The following EYA2 variants were observed in gnomAD, a reference collection of about 807,000 sequenced individuals.
EYA2 encodes EYA transcriptional coactivator and phosphatase 2, also known as protein phosphatase EYA2.
In EYA2, 31 loss-of-function variants were observed where a neutral mutation model predicts 69.2. The ratio of observed to expected loss-of-function variants is 0.45; its 90% CI spans 0.34 to 0.60. EYA2 has a LOEUF of 0.60. Ranked by LOEUF, EYA2 falls within the 20% of genes least tolerant of loss-of-function variation. The pLI, the probability that EYA2 is intolerant of heterozygous loss-of-function variation, is 0.02. For synonymous variants in EYA2, 257 were observed against 279.4 expected (o/e 0.92, Z 0.80); for missense variants, 622 against 701.2 (o/e 0.89, Z 1.28).
intron 8 of EYA2, among the ~76,000 whole-genome samples, chr20:47,092,415 C>G (rs141766798): frequency 6.6e-6 from 1 of 152,174 alleles, no homozygotes; most frequent in Admixed American, 6.5e-5. Flanking sequence ...GGGTTTAGGC[C>G]TTTGCAAAAG....
chr20:47,061,642 G>A lies in EYA2; in HGVS notation c.416-10543G>A, dbSNP rs60200689. Among the ~76,000 whole-genome samples the A allele has an allele frequency of 6.3e-3, 952 of 152,300 alleles. 10 individuals are homozygous for A. The highest frequency in any genetic ancestry group is 0.019 in the African/African-American group (784 of 41,558). The stretch of plus-strand genomic sequence containing the variant: ...GGCAGCCAGTCCACAAACAGCTGCT[G>A]GTCTACAGTAACAAATATGGAACTG... On this transcript the variant is annotated intron_variant, in intron 5 of 15. Coordinates refer to ENST00000327619, the MANE Select transcript of EYA2 (RefSeq NM_005244.5).
At chr20:46,953,255 A>G (rs964246250) in intron 1 of EYA2, among the ~76,000 whole-genome samples, 3 of 152,112 alleles carry the variant, frequency 2.0e-5, no homozygotes, top group Admixed American at 2.0e-4. Flanking sequence ...CCCACTTTAC[A>G]CATGGGGATG....
intron 8 of EYA2, among the ~76,000 whole-genome samples, chr20:47,092,664 A>G (rs1329814370): frequency 6.6e-6 from 1 of 152,218 alleles, no homozygotes; most frequent in South Asian, 2.1e-4. Context: ...GGGGAGGGTT[A>G]TGGCATAGAA....
chr20:46,908,528 C>G (rs1329598658), intron 1 of EYA2, among the ~76,000 whole-genome samples: 1 of 152,108 alleles, frequency 6.6e-6, no homozygotes, highest in Non-Finnish European at 1.5e-5. Context: ...TCAAAATTAT[C>G]GTAATTTAAA....
At chr20:46,950,380 T>C (rs1324104362) in intron 1 of EYA2, among the ~76,000 whole-genome samples, 1 of 152,154 alleles carries the variant, frequency 6.6e-6, no homozygotes, top group African/African-American at 2.4e-5. Flanking sequence ...TAAGAGTCTG[T>C]GACTTGATGA....
rs78381799 is a variant in EYA2 at position 46,930,298 on chromosome 20, T to A, written c.-11+35311T>A. On this transcript the variant is annotated intron_variant, in intron 1 of 15. Transcript: ENST00000327619. ...TTAAAAAATAAAAGACAGGTAATAA[T>A]TATAGCTGCCCTTTACTGGATTCTG... 5.4e-4 allele frequency among the ~76,000 whole-genome samples: 82 copies of A among 152,360 alleles called. No homozygotes were observed. The East Asian group carries it at 0.012, about 22-fold the overall frequency.
rs562972195 is a variant in EYA2 at position 47,163,449 on chromosome 20, C to A, written c.979-5690C>A. On this transcript the variant is annotated intron_variant, in intron 10 of 15. Coordinates refer to ENST00000327619, the MANE Select transcript of EYA2 (RefSeq NM_005244.5). The stretch of plus-strand genomic sequence containing the variant: ...GGACGTGGCTCACGCCTGTAATCCC[C>A]GCACTTTGGGAGTCCGAGGCAGGGG... Among the ~76,000 whole-genome samples the A allele has an allele frequency of 3.3e-5, 5 of 152,138 alleles. No homozygotes were observed. In the East Asian group the frequency reaches 9.7e-4, roughly 29 times the overall value.
chr20:47,102,693 G>C (rs2032457842), intron 9 of EYA2, among the ~76,000 whole-genome samples: 3 of 152,218 alleles, frequency 2.0e-5, no homozygotes. Flanking sequence ...GCTTGAGGCT[G>C]TCATCTCTTC....
At position 46,987,954 on chromosome 20, in the gene EYA2, CTCTCTCTCTCTA is replaced by C. The variant is rs1224390719; in HGVS notation, c.-10-2045_-10-2034del. On this transcript the variant is annotated intron_variant, in intron 1 of 15. Transcript: ENST00000327619. ...TCTCTCTCTCTCTCTCTCTCTCTCT[CTCTCTCTCTCTA>C]TATATATATATATATATATATATAT... Among the ~76,000 whole-genome samples, 32 of 43,566 alleles carry C rather than the reference CTCTCTCTCTCTA, an allele frequency of 7.3e-4. No homozygotes were observed. The East Asian group carries it at 7.5e-3, about 10-fold the overall frequency. The allele number at this position is 43,566 out of a possible 152,430, so 28.6% of individuals were successfully genotyped here. A position where few individuals can be genotyped will look rare whatever the true frequency, so the allele number is the denominator to read the frequency against.
At chr20:47,110,263 C>T (rs1197124705) in intron 9 of EYA2, among the ~76,000 whole-genome samples, 1 of 152,100 alleles carries the variant, frequency 6.6e-6, no homozygotes, top group Non-Finnish European at 1.5e-5. Flanking sequence ...TATTTTTCTG[C>T]GACAGGGTCT....
intron 1 of EYA2, among the ~76,000 whole-genome samples, chr20:46,938,067 C>T (rs1985996638): frequency 2.0e-5 from 3 of 152,332 alleles, no homozygotes; most frequent in Middle Eastern, 6.8e-3. Flanking sequence ...CCTAAGGACA[C>T]ACAGCTGGTA....
intron 1 of EYA2, among the ~76,000 whole-genome samples, chr20:46,922,805 G>A (rs191845966): frequency 4.6e-4 from 52 of 113,820 alleles, no homozygotes; most frequent in Non-Finnish European, 7.8e-4. Context: ...ATCTCTTCAC[G>A]ATGGCTTATA....
intron 5 of EYA2, among the ~76,000 whole-genome samples, chr20:47,052,463 A>T (rs1210854955): frequency 6.6e-6 from 1 of 152,138 alleles, no homozygotes; most frequent in Non-Finnish European, 1.5e-5. Flanking sequence ...CTGTGAACGG[A>T]TTGCTCAGCT....
chr20:47,022,864 T>C (rs921748430), intron 5 of EYA2, among the ~76,000 whole-genome samples: 1 of 151,928 alleles, frequency 6.6e-6, no homozygotes, highest in Non-Finnish European at 1.5e-5. Flanking sequence ...TTGTGTTGCA[T>C]AGGCTGGTAA....
At chr20:47,166,286 A>C (rs1457685845) in intron 10 of EYA2, among the ~76,000 whole-genome samples, 2 of 150,666 alleles carry the variant, frequency 1.3e-5, no homozygotes, top group African/African-American at 4.9e-5. Flanking sequence ...TGTAGTCCCA[A>C]CTACTCGAGA....
At chr20:46,916,507 G>A (rs974223664) in intron 1 of EYA2, among the ~76,000 whole-genome samples, 17 of 152,104 alleles carry the variant, frequency 1.1e-4, no homozygotes, top group African/African-American at 3.4e-4. Context: ...GTGCATGTGT[G>A]ATGGGTTCTT....
intron 5 of EYA2, among the ~76,000 whole-genome samples, chr20:47,058,781 G>A (rs1234310311): frequency 6.6e-6 from 1 of 152,134 alleles, no homozygotes; most frequent in Non-Finnish European, 1.5e-5. Context: ...TCAGAGCTGT[G>A]GTGAGCTATG....
intron 9 of EYA2, among the ~76,000 whole-genome samples, chr20:47,110,545 A>G (rs547710771): frequency 7.2e-5 from 11 of 152,176 alleles, no homozygotes; most frequent in Non-Finnish European, 1.3e-4. Flanking sequence ...TAACCACGTA[A>G]CATGTCCCTA....
intron 1 of EYA2, among the ~76,000 whole-genome samples, chr20:46,936,786 G>A (rs1202565404): frequency 1.3e-5 from 2 of 152,112 alleles, no homozygotes; most frequent in Admixed American, 6.5e-5. Context: ...TTCCCTCGAC[G>A]GTTCTGTAAC....
Sources: gnomAD v4.1 joint callset for allele counts (sites outside exome capture counted in the v4.1 genomes callset) on GRCh38, gnomAD v4.1.1 for gene constraint, MANE v1.5 for transcripts, NCBI Gene and HGNC (gene_info 2026-07-23, HGNC 2026-07-21) for gene names.